Variants in DHRS2 observed in about 807,000 individuals in gnomAD.
The protein encoded by DHRS2 is dehydrogenase/reductase 2, also known as dehydrogenase/reductase SDR family member 2, mitochondrial.
In DHRS2, 29 loss-of-function variants were observed where a neutral mutation model predicts 26.3. The ratio of observed to expected loss-of-function variants is 1.10; its 90% CI spans 0.82 to 1.50. DHRS2 has a LOEUF of 1.50. DHRS2 is among the 40% of genes most tolerant of loss of function. The pLI, the probability that DHRS2 is intolerant of heterozygous loss-of-function variation, is 0.00. For synonymous variants in DHRS2, 164 were observed against 151.3 expected (o/e 1.08, Z -0.62); for missense variants, 439 against 367.1 (o/e 1.20, Z -1.60).
At chr14:23,635,595 G>A (rs917992153), upstream of DHRS2, among the ~76,000 whole-genome samples, 2 of 152,232 alleles carry the variant, frequency 1.3e-5, no homozygotes, top group African/African-American at 4.8e-5. Context: ...GTGAATGAGA[G>A]TTTCTGTTGA....
chr14:23,638,897 C>A lies in DHRS2; in HGVS notation c.33C>A (p.Gly11=). 6.2e-7 allele frequency: 1 copy of A among 1,614,182 alleles called. No individual in the cohort carries two copies. Among genetic ancestry groups the A allele is most frequent in the South Asian group, 1.1e-5 (1 of 91,084 alleles). MLSAVARGYQ[G]WFHPCARLSV... ...CAGCAGTTGCCCGGGGCTACCAGGG[C>A]TGGTTTCATCCCTGTGCTAGGCTTT... is the stretch of plus-strand genomic sequence containing the variant. Residue 11 remains glycine (G), a synonymous_variant, in exon 2 of 9, where the codon GGC becomes GGA. Coordinates refer to ENST00000250383, the MANE Select transcript of DHRS2 (RefSeq NM_005794.4).
intron 3 of DHRS2, 51 bp from the exon 4 acceptor site, chr14:23,639,743 G>A (rs752923141): frequency 5.9e-6 from 9 of 1,537,858 alleles, no homozygotes; most frequent in Admixed American, 4.0e-5. Context: ...GCCCTGGGAG[G>A]GATAGTCCTC....
intron 4 of DHRS2, 117 bp from the exon 5 acceptor site, chr14:23,643,035 T>C: frequency 1.0e-6 from 1 of 959,820 alleles, no homozygotes; most frequent in African/African-American, 1.6e-5. Context: ...TGGTTTCTCT[T>C]ATATGCACAT....
Position 23,639,255 on chromosome 14 carries a change from G to A in DHRS2, c.217G>A (p.Val73Met), listed in dbSNP as rs938128840. The A allele has an allele frequency of 4.3e-6, 7 of 1,613,560 alleles. No homozygotes were observed. Among genetic ancestry groups the A allele is most frequent in the Non-Finnish European group, 5.9e-6 (7 of 1,179,766 alleles). The change falls in exon 3 of 9, where the codon GTG becomes ATG. Residue 73 changes from valine (V) to methionine (M), a missense_variant. Coordinates refer to ENST00000250383, the MANE Select transcript of DHRS2 (RefSeq NM_005794.4). Reference protein sequence around the residue: ...VVISSRKQQNVDRAMAKLQGE... With the variant: ...VVISSRKQQNMDRAMAKLQGE... ...CATCAGCAGCCGGAAGCAGCAGAACGTGGACCGGGCCATGGCCAAGCTGCA... is the reference window on the plus strand; with the variant it reads ...CATCAGCAGCCGGAAGCAGCAGAACATGGACCGGGCCATGGCCAAGCTGCA...
chr14:23,640,636 C>T (rs1451394038), intron 4 of DHRS2: 4 of 175,992 alleles, frequency 2.3e-5, no homozygotes, highest in Non-Finnish European at 4.4e-5. Context: ...ACCACTCTGC[C>T]CTAAGCACTG....
intron 6 of DHRS2, 99 bp downstream of exon 6, chr14:23,644,261 C>T: frequency 1.9e-6 from 3 of 1,557,224 alleles, no homozygotes; most frequent in Non-Finnish European, 2.7e-6. Flanking sequence ...GGACAGACCC[C>T]CACCATCCTC....
intron 6 of DHRS2, 120 bp downstream of exon 6, chr14:23,644,282 G>A (rs1184649953): frequency 1.3e-6 from 2 of 1,556,064 alleles, no homozygotes; most frequent in East Asian, 2.2e-5. Flanking sequence ...CTGCTGCCCT[G>A]GGCTGAGCTT....
At position 23,645,074 on chromosome 14, in the gene DHRS2, A is replaced by G. The variant is rs1419945568; in HGVS notation, c.732-68A>G. The G allele has an allele frequency of 4.4e-6, 7 of 1,605,948 alleles. No individual in the cohort carries two copies. The East Asian group carries it at 1.6e-4, about 36-fold the overall frequency. ...CCCATGGAGCCCACTCCCACCTGTC[A>G]TCCGTGAGCCCCAGAGCAGCAGAAT... On this transcript the variant is annotated intron_variant, in intron 8 of 8. Coordinates refer to ENST00000250383, the MANE Select transcript of DHRS2 (RefSeq NM_005794.4).
Position 23,639,908 on chromosome 14 carries a change from C to T in DHRS2, c.420+13C>T, listed in dbSNP as rs761251308. The stretch of plus-strand genomic sequence containing the variant: ...GATCTGGGACAAGGTGAGAGGCCTC[C>T]CCTGGGGAGGCGGCTGAGGGCCCGA... On this transcript the variant is annotated intron_variant, in intron 4 of 8. Coordinates refer to ENST00000250383, the MANE Select transcript of DHRS2 (RefSeq NM_005794.4). 5.1e-6 allele frequency: 8 copies of T among 1,567,466 alleles called. No homozygotes were observed. The highest frequency in any genetic ancestry group is 2.4e-5 in the East Asian group (1 of 42,130).
rs17095354 is a variant in DHRS2, at chr14:23,638,597, G to T, written c.-38-230G>T. On this transcript the variant is annotated intron_variant, in intron 1 of 8. Transcript: ENST00000250383. ...GAAAAATCACCCTTGTCTAATGAAT[G>T]TTGAGTCTCACATTTTAATTTGTGA... The T allele has an allele frequency of 2.7e-3, 1,120 of 418,018 alleles. 18 individuals are homozygous for T. The highest frequency in any genetic ancestry group is 0.021 in the African/African-American group (1,035 of 49,068). 25.9% of individuals were successfully genotyped at this position (418,018 alleles called of 1,614,324 possible). A position where few individuals can be genotyped will look rare whatever the true frequency, so the allele number is the denominator to read the frequency against.
In DHRS2 at chr14:23,639,911, TG is replaced by T; in HGVS notation, c.420+20del. The stretch of plus-strand genomic sequence containing the variant: ...CTGGGACAAGGTGAGAGGCCTCCCC[TG>T]GGGAGGCGGCTGAGGGCCCGATTCC... On this transcript the variant is annotated intron_variant, in intron 4 of 8. Coordinates refer to ENST00000250383, the MANE Select transcript of DHRS2 (RefSeq NM_005794.4). 6.4e-7 allele frequency: 1 copy of T among 1,558,902 alleles called. No individual in the cohort carries two copies. The highest frequency in any genetic ancestry group is 8.7e-7 in the Non-Finnish European group (1 of 1,153,132).
chr14:23,641,461 T>C (rs981569890), intron 4 of DHRS2: 1 of 454,432 alleles, frequency 2.2e-6, no homozygotes, highest in Non-Finnish European at 3.7e-6. Flanking sequence ...TACTTTCTAA[T>C]GGGGCAGTTT....
chr14:23,638,343 CG>C (rs1259227237), intron 1 of DHRS2: 3 of 177,456 alleles, frequency 1.7e-5, no homozygotes, highest in African/African-American at 7.2e-5. Context: ...TGCGAGGGTC[CG>C]TGGCTTCATT....
At chr14:23,643,914 G>T in intron 5 of DHRS2, 197 bp from the exon 6 acceptor site, 1 of 607,546 alleles carries the variant, frequency 1.6e-6, no homozygotes. Flanking sequence ...TGAGAAATAG[G>T]CATGGAATCC....
chr14:23,630,369 G>C (rs564460173), intron 1 of DHRS2: 1 of 152,382 alleles, frequency 6.6e-6, no homozygotes, highest in South Asian at 2.1e-4. Flanking sequence ...CACTTTTTAT[G>C]TTGATGCTCT....
In DHRS2 at chr14:23,637,120, ACCTATCTAT is replaced by A. The variant is rs368916371; in HGVS notation, c.-39+361_-39+369del. Among the ~76,000 whole-genome samples, 472 of 152,238 alleles carry A rather than the reference ACCTATCTAT, an allele frequency of 3.1e-3. 2 individuals are homozygous for A. The highest frequency in any genetic ancestry group is 0.011 in the African/African-American group (453 of 41,540). On this transcript the variant is annotated intron_variant, in intron 1 of 8. Coordinates refer to ENST00000250383, the MANE Select transcript of DHRS2 (RefSeq NM_005794.4). The stretch of plus-strand genomic sequence containing the variant: ...AAGGCATGTTGCCCAAGTGAGACTC[ACCTATCTAT>A]CCTATCTATCCTGACCCTTGCTCGC...
In DHRS2 at chr14:23,644,231, C is replaced by T. The variant is rs181367734; in HGVS notation, c.540+69C>T. On this transcript the variant is annotated intron_variant, in intron 6 of 8. Coordinates refer to ENST00000250383, the MANE Select transcript of DHRS2 (RefSeq NM_005794.4). ...GGCAACTTTGTTCTTTTCCTCAGAG[C>T]CTTACAGACAAAGTGCCTGGGACAG... The T allele has an allele frequency of 2.1e-4, 329 of 1,586,252 alleles. 1 individual carries two copies. The East Asian group carries it at 7.2e-3, about 34-fold the overall frequency.
intron 5 of DHRS2, chr14:23,643,757 C>G (rs1890761250): frequency 2.8e-6 from 1 of 356,472 alleles, no homozygotes; most frequent in Non-Finnish European, 5.3e-6. Flanking sequence ...CTCCCTTACC[C>G]CATCTGCTCC....
chr14:23,640,064 G>A lies in DHRS2; in HGVS notation c.420+169G>A, dbSNP rs1243692530. 8.6e-6 allele frequency: 6 copies of A among 697,614 alleles called. No homozygotes were observed. In the East Asian group the frequency reaches 2.1e-4, roughly 25 times the overall value. The allele number at this position is 697,614 out of a possible 1,614,324, so 43.2% of individuals were successfully genotyped here. A position where few individuals can be genotyped will look rare whatever the true frequency, so the allele number is the denominator to read the frequency against. On this transcript the variant is annotated intron_variant, in intron 4 of 8. Transcript: ENST00000250383. The stretch of plus-strand genomic sequence containing the variant: ...GCTGTCTCCCAAAATGTGCCCGGAT[G>A]CTACTTTCTGGCTTGTTGGTTCTTA...
Sources: gnomAD v4.1 joint callset for allele counts (sites outside exome capture counted in the v4.1 genomes callset) on GRCh38, gnomAD v4.1.1 for gene constraint, MANE v1.5 for transcripts, NCBI Gene and HGNC (gene_info 2026-07-23, HGNC 2026-07-21) for gene names.